The following GABRR1 variants were observed in gnomAD, a reference collection of about 807,000 sequenced individuals.
GABRR1 encodes the protein gamma-aminobutyric acid type A receptor subunit rho1, also known as gamma-aminobutyric acid receptor subunit rho-1.
In GABRR1, 59 loss-of-function variants were observed where a neutral mutation model predicts 55.5. That is an observed-to-expected ratio of 1.06 (90% confidence interval 0.86 to 1.32). GABRR1 has a LOEUF of 1.32. Among genes scored for constraint, GABRR1 ranks in the 40% most tolerant of loss-of-function variants. GABRR1 has a pLI of 0.00. For synonymous variants in GABRR1, 213 were observed against 226.0 expected, an observed-to-expected ratio of 0.94 and a Z score of 0.51; for missense variants, 602 against 619.1, an observed-to-expected ratio of 0.97 and a Z score of 0.29.
At position 89,180,388 on chromosome 6, in the gene GABRR1, G is replaced by A. The variant is rs1771679948; in HGVS notation, c.1050C>T (p.Val350=). The change falls in exon 9 of 10, where the codon GTC becomes GTT. Residue 350 remains valine, a synonymous_variant. Coordinates refer to ENST00000454853, the MANE Select transcript of GABRR1 (RefSeq NM_002042.5). ...YIKAVDIYLW[V]SFVFVFLSVL... ...CCGAGAGGAACACGAACACAAAGCT[G>A]ACCCAGAGGTAGATGTCCACGGCCT... The A allele has an allele frequency of 6.2e-7, 1 of 1,613,946 alleles. No homozygotes were observed. The highest frequency in any genetic ancestry group is 8.5e-7 in the Non-Finnish European group (1 of 1,179,858).
upstream of GABRR1, among the ~76,000 whole-genome samples, chr6:89,218,146 C>T (rs1773044281): frequency 6.6e-6 from 1 of 152,102 alleles, no homozygotes; most frequent in African/African-American, 2.4e-5. Flanking sequence ...AGTCTCAGAG[C>T]CTCGTGGAAG....
chr6:89,219,220 C>G (rs1047493347), upstream of GABRR1, among the ~76,000 whole-genome samples: 2 of 152,066 alleles, frequency 1.3e-5, no homozygotes, highest in South Asian at 2.1e-4. Flanking sequence ...GAGCCGAGAT[C>G]GCACCACTGC....
chr6:89,225,342 C>A (rs1378591767), intron 1 of GABRR1, among the ~76,000 whole-genome samples: 1 of 143,096 alleles, frequency 7.0e-6, no homozygotes, highest in Non-Finnish European at 1.5e-5. Flanking sequence ...TATACATGTG[C>A]CATGCTGGTG....
At chr6:89,203,007 C>T (rs917265437) in intron 2 of GABRR1, among the ~76,000 whole-genome samples, 1 of 152,220 alleles carries the variant, frequency 6.6e-6, no homozygotes, top group African/African-American at 2.4e-5. Flanking sequence ...AGCCACCGCA[C>T]CCAACCTGGA....
chr6:89,224,126 G>C (rs12197083), intron 1 of GABRR1, among the ~76,000 whole-genome samples: 5,527 of 151,706 alleles, frequency 0.036, 133 homozygotes, highest in African/African-American at 0.068. Flanking sequence ...GTCTTACTCT[G>C]TCGCACAGGC....
At chr6:89,185,810 T>C (rs147874201) in intron 6 of GABRR1, among the ~76,000 whole-genome samples, 22 of 152,364 alleles carry the variant, frequency 1.4e-4, no homozygotes, top group African/African-American at 5.0e-4. Flanking sequence ...CTCAGCCTTA[T>C]AAATGGAGAG....
At chr6:89,191,900 G>A (rs535754459) in intron 5 of GABRR1, among the ~76,000 whole-genome samples, 10 of 152,224 alleles carry the variant, frequency 6.6e-5, no homozygotes, top group African/African-American at 2.2e-4. Context: ...GCATTTGACG[G>A]GCGTAGTGGC....
chr6:89,183,838 T>C (rs922691301), intron 7 of GABRR1, among the ~76,000 whole-genome samples: 1 of 152,198 alleles, frequency 6.6e-6, no homozygotes, highest in East Asian at 1.9e-4. Context: ...TACAGAGTGG[T>C]ATAGTGGACA....
At chr6:89,203,204 A>G (rs1415473273) in intron 2 of GABRR1, among the ~76,000 whole-genome samples, 6 of 152,132 alleles carry the variant, frequency 3.9e-5, no homozygotes, top group Non-Finnish European at 7.4e-5. Context: ...TGTCAAGAGG[A>G]GGAACACCAG....
chr6:89,182,153 G>A, intron 7 of GABRR1, 96 bp from the exon 8 acceptor site: 1 of 1,168,628 alleles, frequency 8.6e-7, no homozygotes. Flanking sequence ...ACACTCCAAT[G>A]GACTCTTATC....
intron 1 of GABRR1, among the ~76,000 whole-genome samples, chr6:89,229,670 A>G (rs886944944): frequency 3.2e-5 from 3 of 94,324 alleles, no homozygotes; most frequent in Non-Finnish European, 2.4e-5. Context: ...GGGTAACCCG[A>G]CCTTTCTCTC....
chr6:89,186,038 A>G (rs951972896), intron 6 of GABRR1, among the ~76,000 whole-genome samples: 30 of 152,154 alleles, frequency 2.0e-4, no homozygotes, highest in African/African-American at 6.3e-4. Flanking sequence ...TGGTGCTACC[A>G]TTTCCCCTTC....
chr6:89,205,791 T>G (rs1374732241), intron 1 of GABRR1: 20 of 152,170 alleles, frequency 1.3e-4, no homozygotes, highest in Admixed American at 1.3e-3. Flanking sequence ...AGAAACCGGC[T>G]AATGAAAATG....
chr6:89,201,288 G>A (rs1409996273), intron 2 of GABRR1, 23 bp from the exon 3 acceptor site: 3 of 1,505,454 alleles, frequency 2.0e-6, no homozygotes, highest in South Asian at 2.3e-5. Flanking sequence ...AAGAAACCAG[G>A]CTGATCATAT....
At chr6:89,189,212 G>A (rs1297561294) in intron 6 of GABRR1, among the ~76,000 whole-genome samples, 3 of 152,064 alleles carry the variant, frequency 2.0e-5, no homozygotes, top group East Asian at 1.9e-4. Context: ...TATTGCACAC[G>A]TATGTTTATT....
At chr6:89,204,408 C>T (rs1013139096) in intron 1 of GABRR1, among the ~76,000 whole-genome samples, 5 of 152,146 alleles carry the variant, frequency 3.3e-5, no homozygotes, top group East Asian at 1.9e-4. Flanking sequence ...AGCGTGAGGC[C>T]GAAGGACACC....
intron 1 of GABRR1, chr6:89,231,098 G>C (rs1231405975): frequency 6.6e-6 from 1 of 152,192 alleles, no homozygotes; most frequent in Non-Finnish European, 1.5e-5. Context: ...CCCAGGTGAG[G>C]CAATGCCTCG....
chr6:89,178,614 T>C lies in GABRR1; in HGVS notation c.*156A>G, dbSNP rs1479093919. On this transcript the variant is annotated 3_prime_UTR_variant, in exon 10 of 10. Coordinates refer to ENST00000454853, the MANE Select transcript of GABRR1 (RefSeq NM_002042.5). ...AGTGCAAATTAAACCAGTAAGTGTC[T>C]CGTCAATGTAGCTTTGGAAAGCTGC... The C allele has an allele frequency of 3.1e-6, 2 of 635,974 alleles. No homozygotes were observed. Among genetic ancestry groups the C allele is most frequent in the African/African-American group, 3.7e-5 (2 of 54,510 alleles). The allele number at this position is 635,974 out of a possible 1,614,324, so 39.4% of individuals were successfully genotyped here. A position where few individuals can be genotyped will look rare whatever the true frequency, so the allele number is the denominator to read the frequency against.
chr6:89,178,866 C>T lies in GABRR1; in HGVS notation c.1344G>A (p.Met448Ile), dbSNP rs1482133002. 5 of 1,614,158 alleles carry T rather than the reference C, an allele frequency of 3.1e-6. No individual in the cohort carries two copies. In the South Asian group the frequency reaches 5.5e-5, roughly 18 times the overall value. Residue 448 changes from methionine (M) to isoleucine (I), a missense_variant, in exon 10 of 10, where the codon ATG becomes ATA. Transcript: ENST00000454853. ...TATCAATGGCGTGGGTGTCGATTCT[C>T]ATGCTCACATAGCTGCTTCTCTGAC... The part of the protein sequence containing the change: ...RKSQRSSYVS[M>I]RIDTHAIDKY...
Sources: gnomAD v4.1 joint callset for allele counts (sites outside exome capture counted in the v4.1 genomes callset) on GRCh38, gnomAD v4.1.1 for gene constraint, MANE v1.5 for transcripts, NCBI Gene and HGNC (gene_info 2026-07-23, HGNC 2026-07-21) for gene names.